The following BTRC variants were observed in gnomAD, a reference collection of about 807,000 sequenced individuals.
BTRC encodes beta-transducin repeat containing E3 ubiquitin protein ligase.
In BTRC, 42 loss-of-function variants were observed where a neutral mutation model predicts 85.5. That is an observed-to-expected ratio of 0.49 (90% CI 0.38 to 0.64). The LOEUF (loss-of-function observed/expected upper bound fraction) is 0.64. Among genes scored for constraint, BTRC ranks in the 30% least tolerant of loss-of-function variants. BTRC has a pLI of 0.00. For synonymous variants in BTRC, 255 were observed against 263.3 expected (o/e 0.97, Z 0.30); for missense variants, 594 against 743.5 (o/e 0.80, Z 2.34).
At position 101,399,169 on chromosome 10, in the gene BTRC, G is replaced by C. The variant is rs1396701212; in HGVS notation, c.49-31176G>C. ...GGGGTTTCACCATGTTGGCCAAGCT[G>C]GTCTTGAATTCCTGACCTCAAATGA... On this transcript the variant is annotated intron_variant, in intron 1 of 14. Coordinates refer to ENST00000370187, the MANE Select transcript of BTRC (RefSeq NM_033637.4). Among the ~76,000 whole-genome samples, 3 of 152,046 alleles carry C rather than the reference G, an allele frequency of 2.0e-5. No individual in the cohort carries two copies. The East Asian group carries it at 5.8e-4, about 29-fold the overall frequency.
chr10:101,473,465 CTTTTTTTTTTTT>C (rs869163139), intron 3 of BTRC, among the ~76,000 whole-genome samples: 3 of 96,772 alleles, frequency 3.1e-5, no homozygotes, highest in Non-Finnish European at 5.8e-5. Context: ...TCTTTTTTCT[CTTTTTTTTTTTT>C]TTTTTTTTTT....
At chr10:101,455,013 G>A (rs1365566788) in intron 2 of BTRC, among the ~76,000 whole-genome samples, 1 of 151,808 alleles carries the variant, frequency 6.6e-6, no homozygotes, top group Non-Finnish European at 1.5e-5. Flanking sequence ...TACGACAGTA[G>A]CAGTGTTAAG....
rs71016314 is a variant in BTRC, at chr10:101,381,962, C to CTTTTTTT, written c.48+27766_48+27772dup. ...GAACCCCTAGTTATCCTAAGAATGT[C>CTTTTTTT]TTTTTTTTTTTTTTTTTTTTTTTTT... is the stretch of plus-strand genomic sequence containing the variant. On this transcript the variant is annotated intron_variant, in intron 1 of 14. Transcript: ENST00000370187. Among the ~76,000 whole-genome samples, 60 of 49,156 alleles carry CTTTTTTT rather than the reference C, an allele frequency of 1.2e-3. 9 individuals carry two copies. Among genetic ancestry groups the CTTTTTTT allele is most frequent in the African/African-American group, 4.3e-3 (39 of 8,976 alleles). The allele number at this position is 49,156 out of a possible 152,430, so 32.2% of individuals were successfully genotyped here. A position where few individuals can be genotyped will look rare whatever the true frequency, so the allele number is the denominator to read the frequency against.
At chr10:101,459,084 G>A (rs369934484) in intron 2 of BTRC, among the ~76,000 whole-genome samples, 1 of 152,178 alleles carries the variant, frequency 6.6e-6, no homozygotes, top group African/African-American at 2.4e-5. Flanking sequence ...ACACGCATAT[G>A]CCAAAGTACT....
chr10:101,478,159 G>A (rs1945738718), intron 3 of BTRC, among the ~76,000 whole-genome samples: 1 of 151,822 alleles, frequency 6.6e-6, no homozygotes, highest in Non-Finnish European at 1.5e-5. Flanking sequence ...AAATTAGCTG[G>A]GCATGGTGGC....
At chr10:101,540,998 T>C (rs1482810869) in intron 13 of BTRC, among the ~76,000 whole-genome samples, 3 of 152,214 alleles carry the variant, frequency 2.0e-5, no homozygotes, top group African/African-American at 7.2e-5. Flanking sequence ...TTGGAAAAGG[T>C]ATTTTTAAAC....
intron 1 of BTRC, among the ~76,000 whole-genome samples, chr10:101,429,601 T>G (rs1473647773): frequency 6.8e-6 from 1 of 148,008 alleles, no homozygotes; most frequent in Non-Finnish European, 1.5e-5. Context: ...CTCCTTTTTC[T>G]CTGTCTCTCC....
In BTRC at chr10:101,534,678, C is replaced by A. The variant is rs1232840448; in HGVS notation, c.1115C>A (p.Thr372Lys). ...ACTTCCAGAGTGTGGGATGTAAATA[C>A]AGGTGAAATGCTAAACACGTTGATT... ...DSTVRVWDVN[T>K]GEMLNTLIHH... Residue 372 changes from threonine to lysine, a missense_variant, in exon 10 of 15, where the codon ACA becomes AAA. Thr to Lys is a moderately conservative substitution (Grantham distance 78). Transcript: ENST00000370187. 1 of 1,614,000 alleles carries A rather than the reference C, an allele frequency of 6.2e-7. No individual in the cohort carries two copies. The highest frequency in any genetic ancestry group is 1.7e-5 in the Admixed American group (1 of 60,000).
intron 3 of BTRC, among the ~76,000 whole-genome samples, chr10:101,465,645 A>G (rs983589291): frequency 1.3e-5 from 2 of 152,222 alleles, no homozygotes; most frequent in Admixed American, 1.3e-4. Context: ...AGAGAAGGAA[A>G]GAACACTCCT....
chr10:101,478,448 A>ATT (rs200893201), intron 3 of BTRC, among the ~76,000 whole-genome samples: 1 of 150,196 alleles, frequency 6.7e-6, no homozygotes, highest in East Asian at 1.9e-4. Flanking sequence ...TTTTAAAATA[A>ATT]TTTTTTTTTT....
chr10:101,530,586 C>CT (rs1414191592), intron 6 of BTRC, among the ~76,000 whole-genome samples: 1 of 151,968 alleles, frequency 6.6e-6, no homozygotes, highest in African/African-American at 2.4e-5. Context: ...GCCAGTGAAT[C>CT]TAAGCAGTAG....
At chr10:101,364,286 T>C (rs999397766) in intron 1 of BTRC, among the ~76,000 whole-genome samples, 4 of 152,180 alleles carry the variant, frequency 2.6e-5, no homozygotes, top group African/African-American at 9.7e-5. Context: ...CTTCATGTTA[T>C]GTAGAAAAAA....
intron 1 of BTRC, among the ~76,000 whole-genome samples, chr10:101,425,635 T>C (rs1464412996): frequency 6.6e-6 from 1 of 151,992 alleles, no homozygotes; most frequent in African/African-American, 2.4e-5. Context: ...GCTTTTTTTT[T>C]TTTTTTTAAT....
At position 101,553,718 on chromosome 10, in the gene BTRC, T is replaced by C. The variant is rs2062687093; in HGVS notation, c.*595T>C. 1 of 152,834 alleles carries C rather than the reference T, an allele frequency of 6.5e-6. No individual in the cohort carries two copies. Among genetic ancestry groups the C allele is most frequent in the African/African-American group, 2.4e-5 (1 of 41,458 alleles). 9.5% of individuals were successfully genotyped at this position (152,834 alleles called of 1,614,324 possible). ...GGACAAGAAAAAGAAAACACAAGAA[T>C]GTATACACTGGAAGATTTGGGCCTC... On this transcript the variant is annotated 3_prime_UTR_variant, in exon 15 of 15. Transcript: ENST00000370187.
At chr10:101,548,313 C>G (rs1350279920) in intron 13 of BTRC, among the ~76,000 whole-genome samples, 9 of 152,176 alleles carry the variant, frequency 5.9e-5, no homozygotes, top group Admixed American at 5.9e-4. Context: ...TAGCCATAAA[C>G]TATAATCAGC....
intron 5 of BTRC, among the ~76,000 whole-genome samples, chr10:101,525,640 G>A (rs1160060020): frequency 6.6e-6 from 1 of 152,100 alleles, no homozygotes. Flanking sequence ...TAGAGATTTG[G>A]GGGGGTCTGA....
chr10:101,528,078 C>A (rs961510526), intron 6 of BTRC, among the ~76,000 whole-genome samples: 6 of 151,968 alleles, frequency 3.9e-5, no homozygotes, highest in Non-Finnish European at 8.8e-5. Flanking sequence ...CTGTATCCCT[C>A]AGAAAAAAAG....
chr10:101,404,266 A>G (rs962840025), intron 1 of BTRC, among the ~76,000 whole-genome samples: 1 of 149,148 alleles, frequency 6.7e-6, no homozygotes, highest in African/African-American at 2.5e-5. Context: ...TCCTGACCTT[A>G]TGATCCGCCC....
intron 13 of BTRC, among the ~76,000 whole-genome samples, chr10:101,547,594 C>A (rs1294470268): frequency 2.0e-5 from 3 of 151,994 alleles, no homozygotes; most frequent in Non-Finnish European, 4.4e-5. Context: ...CTGCCTCAAC[C>A]TCCCAAAGAT....
Sources: allele counts gnomAD v4.1 joint callset (sites outside exome capture counted in the v4.1 genomes callset), GRCh38; gene constraint gnomAD v4.1.1; transcripts MANE v1.5; gene names NCBI Gene and HGNC (gene_info 2026-07-23, HGNC 2026-07-21).